Variants in TICAM1 observed in about 807,000 individuals in gnomAD.
TICAM1 encodes TIR domain containing adaptor molecule 1.
For synonymous variants in TICAM1, 439 were observed against 415.4 expected, an observed-to-expected ratio of 1.06 and a Z score of -0.69; for missense variants, 895 against 938.2, an observed-to-expected ratio of 0.95 and a Z score of 0.60.
At chr19:4,828,868 A>G (rs2093609719) in intron 1 of TICAM1, among the ~76,000 whole-genome samples, 1 of 151,892 alleles carries the variant, frequency 6.6e-6, no homozygotes. Context: ...ATGCCCAGGT[A>G]ATTTTTGTAT....
chr19:4,821,798 C>T (rs2146175003), intron 1 of TICAM1, among the ~76,000 whole-genome samples: 1 of 152,080 alleles, frequency 6.6e-6, no homozygotes, highest in South Asian at 2.1e-4. Flanking sequence ...GCATGCACCA[C>T]CATGCCTGGT....
chr19:4,820,195 C>A (rs998936967), intron 1 of TICAM1, among the ~76,000 whole-genome samples: 7 of 150,550 alleles, frequency 4.6e-5, no homozygotes, highest in African/African-American at 1.7e-4. Context: ...CTGAGGCGGG[C>A]AAATCACGAG....
rs2146171156 is a variant in TICAM1, at chr19:4,818,079, T to C, written c.299A>G (p.Tyr100Cys). The change falls in exon 2 of 2, where the codon TAC becomes TGC. Residue 100 changes from tyrosine to cysteine, a missense_variant. Transcript: ENST00000248244. The surrounding 1 kb of genome is among the most constrained non-coding windows in gnomAD (Gnocchi z 4.0). ...PDVSWAVARLYHLLAEEKLCP... is the reference protein window; with the variant it reads ...PDVSWAVARLCHLLAEEKLCP... ...CAGCTTCTCCTCAGCCAGCAGGTGG[T>C]ACAAGCGGGCCACAGCCCAGGACAC... 6.2e-7 allele frequency: 1 copy of C among 1,607,518 alleles called. No individual in the cohort carries two copies. The highest frequency in any genetic ancestry group is 1.1e-5 in the South Asian group (1 of 91,082).
chr19:4,822,229 C>T (rs1052808170), intron 1 of TICAM1, among the ~76,000 whole-genome samples: 6 of 151,526 alleles, frequency 4.0e-5, no homozygotes, highest in African/African-American at 9.7e-5. Context: ...GCCACTGTGC[C>T]GGCCAATTGT....
intron 1 of TICAM1, among the ~76,000 whole-genome samples, chr19:4,827,372 C>CAAAAAAAAAAAAAAAAAAAA (rs57574607): frequency 5.5e-5 from 3 of 54,174 alleles, no homozygotes; most frequent in African/African-American, 6.6e-5. Context: ...ACTCTGTCTC[C>CAAAAAAAAAAAAAAAAAAAA]AAAAAAAAAA....
chr19:4,829,365 A>C (rs2093610551), intron 1 of TICAM1, among the ~76,000 whole-genome samples: 2 of 151,926 alleles, frequency 1.3e-5, no homozygotes, highest in African/African-American at 4.8e-5. Context: ...GCCTGAACTC[A>C]ACTCTATTTC....
In TICAM1 at chr19:4,818,422, T is replaced by C. The variant is rs10421222; in HGVS notation, c.-45A>G. 8 of 1,534,950 alleles carry C rather than the reference T, an allele frequency of 5.2e-6. No individual in the cohort carries two copies. In the African/African-American group the frequency reaches 9.7e-5, roughly 19 times the overall value. On this transcript the variant is annotated 5_prime_UTR_variant, in exon 2 of 2. Coordinates refer to ENST00000248244, the MANE Select transcript of TICAM1 (RefSeq NM_182919.4). The surrounding 1 kb of genome is among the most constrained non-coding windows in gnomAD (Gnocchi z 4.0). ...CTCCGGCAGCAGAAGCTGGAGGTGG[T>C]GAAGGCATGTTCCACACTGCCCCCC...
At position 4,815,986 on chromosome 19, in the gene TICAM1, C is replaced by G. The variant is rs955179415; in HGVS notation, c.*253G>C. 1 of 403,250 alleles carries G rather than the reference C, an allele frequency of 2.5e-6. No homozygotes were observed. Among genetic ancestry groups the G allele is most frequent in the Non-Finnish European group, 4.2e-6 (1 of 236,566 alleles). 25.0% of individuals were successfully genotyped at this position (403,250 alleles called of 1,614,324 possible). A position where few individuals can be genotyped will look rare whatever the true frequency, so the allele number is the denominator to read the frequency against. On this transcript the variant is annotated 3_prime_UTR_variant, in exon 2 of 2. Coordinates refer to ENST00000248244, the MANE Select transcript of TICAM1 (RefSeq NM_182919.4). ...AAGACCGTAGCAATACCCCCACCAC[C>G]AAGACCCTTCACCCAGAAATAGAGA... is the stretch of plus-strand genomic sequence containing the variant.
chr19:4,817,455 GA>G lies in TICAM1; in HGVS notation c.922del (p.Ser308LeufsTer31). The G allele has an allele frequency of 6.2e-7, 1 of 1,614,120 alleles. No individual in the cohort carries two copies. Among genetic ancestry groups the G allele is most frequent in the Non-Finnish European group, 8.5e-7 (1 of 1,180,028 alleles). On this transcript the variant is annotated frameshift_variant, in exon 2 of 2. Coordinates refer to ENST00000248244, the MANE Select transcript of TICAM1 (RefSeq NM_182919.4). LOFTEE classifies it low-confidence loss of function (END_TRUNC). The surrounding 1 kb of genome is among the most constrained non-coding windows in gnomAD (Gnocchi z 4.7). ...TNYPVECTEG[S>X]AGPQSLPLPI... ...CAAGGGGAGAGACTGGGGGCCTGCA[GA>G]CCCCTCGGTGCACTCCACTGGGTAG...
chr19:4,816,429 G>A lies in TICAM1; in HGVS notation c.1949C>T (p.Ala650Val). 6.4e-7 allele frequency: 1 copy of A among 1,560,984 alleles called. No individual in the cohort carries two copies. The highest frequency in any genetic ancestry group is 8.7e-7 in the Non-Finnish European group (1 of 1,155,020). Residue 650 changes from alanine (A) to valine (V), a missense_variant, in exon 2 of 2, where the codon GCC becomes GTC. Coordinates refer to ENST00000248244, the MANE Select transcript of TICAM1 (RefSeq NM_182919.4). The surrounding 1 kb of genome is among the most constrained non-coding windows in gnomAD (Gnocchi z 4.3). ...TPPPPSPQPA[A>V]FPQSLPFPQS... ...CGGGAAGGGCAGTGACTGTGGAAAG[G>A]CTGCTGGCTGTGGGGAGGGCGGTGG...
intron 1 of TICAM1, among the ~76,000 whole-genome samples, chr19:4,830,373 C>G (rs901541627): frequency 1.3e-5 from 2 of 152,054 alleles, no homozygotes; most frequent in African/African-American, 4.8e-5. Context: ...CCACTGCACC[C>G]GGCTAACTTT....
At chr19:4,823,596 G>A (rs971027866) in intron 1 of TICAM1, among the ~76,000 whole-genome samples, 4 of 151,952 alleles carry the variant, frequency 2.6e-5, no homozygotes, top group Non-Finnish European at 5.9e-5. Flanking sequence ...CTAAGATCTC[G>A]CCACTGCACT....
chr19:4,825,332 T>G (rs1038590448), intron 1 of TICAM1, among the ~76,000 whole-genome samples: 6 of 152,222 alleles, frequency 3.9e-5, no homozygotes, highest in East Asian at 3.9e-4. Context: ...ATTACCTGTG[T>G]GATGGAATAA....
intron 1 of TICAM1, among the ~76,000 whole-genome samples, chr19:4,822,496 G>T (rs1263938299): frequency 6.6e-6 from 1 of 152,182 alleles, no homozygotes; most frequent in Non-Finnish European, 1.5e-5. Flanking sequence ...GCCCACCTTG[G>T]CCTCCCAAAG....
At position 4,816,872 on chromosome 19, in the gene TICAM1, G is replaced by A. The variant is rs139114216; in HGVS notation, c.1506C>T (p.Asp502=). 1.2e-6 allele frequency: 2 copies of A among 1,612,628 alleles called. No individual in the cohort carries two copies. Among genetic ancestry groups the A allele is most frequent in the African/African-American group, 2.7e-5 (2 of 74,946 alleles). ...CCAGCCCGGAGAGCAGGCTGGCCGT[G>A]TCGGAGCTGAGCTGGGCCGGGGAGC... ...LESSPAQLSS[D]TASLLSGLVR... is the part of the protein sequence containing the mutation. Residue 502 remains aspartate, a synonymous_variant, in exon 2 of 2, where the codon GAC becomes GAT. Transcript: ENST00000248244. The surrounding 1 kb of genome is among the most constrained non-coding windows in gnomAD (Gnocchi z 4.3).
intron 1 of TICAM1, among the ~76,000 whole-genome samples, chr19:4,826,084 C>A (rs973520858): frequency 2.0e-5 from 3 of 151,964 alleles, no homozygotes; most frequent in African/African-American, 7.2e-5. Flanking sequence ...TCGCCTGAGG[C>A]CAGGAGAATC....
At chr19:4,822,652 T>C (rs113652710) in intron 1 of TICAM1, among the ~76,000 whole-genome samples, 60 of 152,334 alleles carry the variant, frequency 3.9e-4, no homozygotes, top group African/African-American at 1.4e-3. Flanking sequence ...ACAGAGACCA[T>C]GGGGTCTACA....
At chr19:4,822,063 G>A (rs1251846537) in intron 1 of TICAM1, among the ~76,000 whole-genome samples, 1 of 151,058 alleles carries the variant, frequency 6.6e-6, no homozygotes, top group Non-Finnish European at 1.5e-5. Flanking sequence ...AGCCTCCCGA[G>A]TAGCTGAGAT....
Position 4,818,398 on chromosome 19 carries a change from T to G in TICAM1, c.-21A>C. On this transcript the variant is annotated 5_prime_UTR_variant, in exon 2 of 2. Transcript: ENST00000248244. This position sits in a 1 kb window ranked among gnomAD's most constrained non-coding sequence, Gnocchi z 4.0. ...GCCATGGGCACAGGTGGGTGCAGCC[T>G]CCGGCAGCAGAAGCTGGAGGTGGTG... 6.4e-7 allele frequency: 1 copy of G among 1,551,894 alleles called. No individual in the cohort carries two copies. The highest frequency in any genetic ancestry group is 1.4e-5 in the African/African-American group (1 of 72,880).
Sources: allele counts gnomAD v4.1 joint callset (sites outside exome capture counted in the v4.1 genomes callset), GRCh38; gene constraint gnomAD v4.1.1; non-coding constraint Gnocchi (gnomAD v3.1); transcripts MANE v1.5; gene names NCBI Gene and HGNC (gene_info 2026-07-23, HGNC 2026-07-21).